Variants in EFNA5 observed in about 807,000 individuals in gnomAD.
The protein encoded by EFNA5 is ephrin A5.
EFNA5 carries 5 observed loss-of-function variants against 22.9 expected under a neutral mutation model. The observed-to-expected ratio is 0.22, with a 90% CI of 0.11 to 0.46. The LOEUF is 0.46. Ranked by LOEUF, EFNA5 falls within the 20% of genes least tolerant of loss-of-function variation. EFNA5 has a pLI of 0.99. For missense variants in EFNA5, 237 were observed against 293.3 expected, an observed-to-expected ratio of 0.81 and a Z score of 1.40; for synonymous variants, 113 against 112.2, an observed-to-expected ratio of 1.01 and a Z score of -0.04.
chr5:107,565,889 C>T (rs164971), intron 1 of EFNA5, among the ~76,000 whole-genome samples: 44,137 of 152,072 alleles, frequency 0.29, 9,041 homozygotes, highest in African/African-American at 0.58. Flanking sequence ...TTTTACATGA[C>T]GCTGCATAAT....
chr5:107,605,861 G>T (rs1416511842), intron 1 of EFNA5, among the ~76,000 whole-genome samples: 1 of 152,238 alleles, frequency 6.6e-6, no homozygotes, highest in Non-Finnish European at 1.5e-5. Flanking sequence ...GCACTGGGAG[G>T]AAGCAGGGGG....
intron 1 of EFNA5, among the ~76,000 whole-genome samples, chr5:107,542,736 C>A (rs1271832081): frequency 5.3e-5 from 8 of 152,106 alleles, no homozygotes; most frequent in Admixed American, 5.2e-4. Flanking sequence ...TGGCTGGGGT[C>A]TAGAGAGATG....
chr5:107,617,945 A>G (rs1215329617), intron 1 of EFNA5, among the ~76,000 whole-genome samples: 1 of 152,146 alleles, frequency 6.6e-6, no homozygotes, highest in Admixed American at 6.5e-5. Context: ...GAAGACTGCT[A>G]GAAGCCCAGG....
chr5:107,469,023 T>A (rs937636428), intron 1 of EFNA5, among the ~76,000 whole-genome samples: 1 of 152,218 alleles, frequency 6.6e-6, no homozygotes, highest in African/African-American at 2.4e-5. Flanking sequence ...CAACCACCAA[T>A]GAATGTTTAG....
intron 1 of EFNA5, among the ~76,000 whole-genome samples, chr5:107,662,421 GAATAA>G (rs965069016): frequency 2.0e-5 from 3 of 152,128 alleles, no homozygotes; most frequent in African/African-American, 7.2e-5. Flanking sequence ...CAGTACATGA[GAATAA>G]TGTTCCCAGC....
chr5:107,650,113 A>G (rs1024394425), intron 1 of EFNA5, among the ~76,000 whole-genome samples: 1 of 152,198 alleles, frequency 6.6e-6, no homozygotes, highest in African/African-American at 2.4e-5. Flanking sequence ...AGTATAACTC[A>G]TATACTAATA....
At chr5:107,559,192 C>T (rs1282781130) in intron 1 of EFNA5, among the ~76,000 whole-genome samples, 1 of 152,188 alleles carries the variant, frequency 6.6e-6, no homozygotes, top group African/African-American at 2.4e-5. Context: ...CCCATCACCA[C>T]TGCCTCTCCC....
intron 1 of EFNA5, among the ~76,000 whole-genome samples, chr5:107,558,863 G>C (rs1748476526): frequency 6.6e-6 from 1 of 152,212 alleles, no homozygotes; most frequent in South Asian, 2.1e-4. Context: ...AATATTTATG[G>C]AGCAGAATCA....
At chr5:107,652,987 GAT>G (rs1312597163) in intron 1 of EFNA5, among the ~76,000 whole-genome samples, 3 of 151,744 alleles carry the variant, frequency 2.0e-5, no homozygotes, top group African/African-American at 7.3e-5. Flanking sequence ...TCACCCATCT[GAT>G]GCCCCAGGGA....
intron 2 of EFNA5, among the ~76,000 whole-genome samples, chr5:107,418,717 T>C (rs1437428811): frequency 6.6e-6 from 1 of 152,250 alleles, no homozygotes; most frequent in Non-Finnish European, 1.5e-5. Flanking sequence ...CAGTTTCTTA[T>C]GGCTTTATAC....
chr5:107,601,892 C>T (rs1749603749), intron 1 of EFNA5, among the ~76,000 whole-genome samples: 1 of 152,184 alleles, frequency 6.6e-6, no homozygotes. Flanking sequence ...ACAATATTCA[C>T]TAAAGAAGTA....
intron 1 of EFNA5, among the ~76,000 whole-genome samples, chr5:107,601,360 T>C (rs904167856): frequency 6.6e-6 from 1 of 152,150 alleles, no homozygotes; most frequent in African/African-American, 2.4e-5. Flanking sequence ...AGCAGAGCGT[T>C]AGGGAAGCAC....
chr5:107,533,441 CAGA>C, intron 1 of EFNA5, among the ~76,000 whole-genome samples: 1 of 152,240 alleles, frequency 6.6e-6, no homozygotes, highest in Middle Eastern at 3.4e-3. Flanking sequence ...TGAAAAAGCC[CAGA>C]AGAATAACTA....
intron 1 of EFNA5, among the ~76,000 whole-genome samples, chr5:107,557,892 T>C (rs960148311): frequency 3.2e-4 from 48 of 152,114 alleles, no homozygotes; most frequent in African/African-American, 1.1e-3. Flanking sequence ...ACATTTACAA[T>C]CAAAGAGACC....
intron 1 of EFNA5, among the ~76,000 whole-genome samples, chr5:107,472,427 C>A (rs1046482219): frequency 1.3e-5 from 2 of 152,144 alleles, no homozygotes; most frequent in African/African-American, 4.8e-5. Context: ...ATGTTAAAAA[C>A]ACTAGAAGTT....
Position 107,377,135 on chromosome 5 carries a change from A to G in EFNA5, c.*4120T>C, listed in dbSNP as rs572561225. On this transcript the variant is annotated 3_prime_UTR_variant, in exon 5 of 5. Transcript: ENST00000333274. The stretch of plus-strand genomic sequence containing the variant: ...GGACTTCACACCCAGACGCACACAC[A>G]ATGAGTGGCTTCAATGGGGTGTCAA... The G allele has an allele frequency of 8.5e-5, 13 of 152,274 alleles. No individual in the cohort carries two copies. Among genetic ancestry groups the G allele is most frequent in the Admixed American group, 8.5e-4 (13 of 15,288 alleles). 9.4% of individuals were successfully genotyped at this position (152,274 alleles called of 1,614,324 possible).
intron 1 of EFNA5, among the ~76,000 whole-genome samples, chr5:107,622,744 G>A (rs1019356735): frequency 1.3e-5 from 2 of 152,050 alleles, no homozygotes; most frequent in Admixed American, 6.5e-5. Flanking sequence ...ATACTCGGCC[G>A]GGCGCGGTGG....
intron 1 of EFNA5, among the ~76,000 whole-genome samples, chr5:107,589,843 T>G (rs567474222): frequency 1.3e-3 from 199 of 152,344 alleles, no homozygotes; most frequent in African/African-American, 4.6e-3. Context: ...GTTTTACCCG[T>G]GTGCTAAGAA....
chr5:107,545,191 C>T lies in EFNA5; in HGVS notation c.126-117682G>A, dbSNP rs148101202. Among the ~76,000 whole-genome samples the T allele has an allele frequency of 1.4e-3, 206 of 152,352 alleles. 1 individual carries two copies. Among genetic ancestry groups the T allele is most frequent in the African/African-American group, 4.8e-3 (201 of 41,588 alleles). On this transcript the variant is annotated intron_variant, in intron 1 of 4. Coordinates refer to ENST00000333274, the MANE Select transcript of EFNA5 (RefSeq NM_001962.3). ...AAAGCCACATCTTTCACAAACATTA[C>T]CTGCCTGTCACGGTATCAGGGCTTG...
Sources: allele counts gnomAD v4.1 joint callset (sites outside exome capture counted in the v4.1 genomes callset), GRCh38; gene constraint gnomAD v4.1.1; transcripts MANE v1.5; gene names NCBI Gene and HGNC (gene_info 2026-07-23, HGNC 2026-07-21).